The following MAP7D3 variants were observed in gnomAD, a reference collection of about 807,000 sequenced individuals.
MAP7D3 encodes MAP7 domain containing 3.
MAP7D3 carries 45 observed loss-of-function variants against 62.2 expected under a neutral mutation model. The ratio of observed to expected loss-of-function variants is 0.72; its 90% CI spans 0.57 to 0.93. The LOEUF is 0.93. Ranked by LOEUF, MAP7D3 falls within the 40% of genes least tolerant of loss-of-function variation. The pLI, the probability that MAP7D3 is intolerant of heterozygous loss-of-function variation, is 0.00. For synonymous variants in MAP7D3, 288 were observed against 248.8 expected, an observed-to-expected ratio of 1.16 and a Z score of -1.48; for missense variants, 711 against 683.1, an observed-to-expected ratio of 1.04 and a Z score of -0.45.
rs1055994229 is a variant in MAP7D3 at position 136,217,486 on chromosome X, G to C, written c.*1040C>G. On this transcript the variant is annotated 3_prime_UTR_variant, in exon 19 of 19. Transcript: ENST00000316077. ...AGGAAACACTGACAAGAGCATGAAA[G>C]GTGCTGACTGTTCCAAGATGGGGCT... 1.8e-5 allele frequency: 2 copies of C among 111,919 alleles called. No homozygotes were observed. The highest frequency in any genetic ancestry group is 6.5e-5 in the African/African-American group (2 of 30,791). 9.2% of individuals were successfully genotyped at this position (111,919 alleles called of 1,213,427 possible). A position where few individuals can be genotyped will look rare whatever the true frequency, so the allele number is the denominator to read the frequency against.
At chrX:136,243,633 G>T (rs536174371) in intron 4 of MAP7D3, among the ~76,000 whole-genome samples, 1 of 110,171 alleles carries the variant, frequency 9.1e-6, no homozygotes, top group Non-Finnish European at 1.9e-5. Context: ...AACCGGGGGG[G>T]CAGAAGTTGC....
chrX:136,213,373 C>T (rs780089627), downstream of MAP7D3: 6 of 110,563 alleles, frequency 5.4e-5, no homozygotes, highest in South Asian at 1.5e-3. Context: ...TATCAAGAAC[C>T]TCTCTGCTTG....
Position 136,219,473 on chromosome X carries a change from A to C in MAP7D3, c.2588T>G (p.Phe863Cys). 1 of 1,207,098 alleles carries C rather than the reference A, an allele frequency of 8.3e-7. No individual in the cohort carries two copies. The highest frequency in any genetic ancestry group is 1.1e-6 in the Non-Finnish European group (1 of 891,247). The change falls in exon 18 of 19, where the codon TTC (phenylalanine) becomes TGC (cysteine). Residue 863 changes from phenylalanine (F) to cysteine (C), a missense_variant. By Grantham distance (205) the Phe-to-Cys change is radical. Transcript: ENST00000316077. ...RSSAQTKSEGFHDILPKSSDT... is the reference protein window; with the variant it reads ...RSSAQTKSEGCHDILPKSSDT... ...TGAGGACTTTGGCAAGATGTCATGGAATCCTTCAGATTTTGTTTGTGCCTG... is the reference window on the plus strand; with the variant it reads ...TGAGGACTTTGGCAAGATGTCATGGCATCCTTCAGATTTTGTTTGTGCCTG...
chrX:136,235,977 A>G (rs185806185), intron 7 of MAP7D3, among the ~76,000 whole-genome samples: 31 of 111,666 alleles, frequency 2.8e-4, no homozygotes, highest in Admixed American at 1.4e-3. Context: ...CCTCCAGTAC[A>G]CTCCTATCTA....
chrX:136,227,691 G>T (rs1219465742), intron 11 of MAP7D3, among the ~76,000 whole-genome samples: 3 of 110,351 alleles, frequency 2.7e-5, no homozygotes, highest in Non-Finnish European at 5.7e-5. Flanking sequence ...ACACACATAC[G>T]TGAGAGGAAC....
intron 15 of MAP7D3, among the ~76,000 whole-genome samples, 160 bp from the exon 16 acceptor site, chrX:136,221,123 G>A (rs1023682501): frequency 1.9e-4 from 21 of 111,270 alleles, no homozygotes; most frequent in Admixed American, 1.3e-3. Context: ...AGCAGTCACA[G>A]AGTTTCCCAA....
At chrX:136,223,908 C>T (rs1193262367) in intron 14 of MAP7D3, among the ~76,000 whole-genome samples, 1 of 108,248 alleles carries the variant, frequency 9.2e-6, no homozygotes, top group Non-Finnish European at 1.9e-5. Context: ...AAAAATTAGC[C>T]AGGTGTGGTG....
intron 4 of MAP7D3, among the ~76,000 whole-genome samples, chrX:136,243,526 A>G (rs1365159391): frequency 9.0e-6 from 1 of 110,967 alleles, no homozygotes; most frequent in Non-Finnish European, 1.9e-5. Context: ...AAGATAGTGA[A>G]CCCCCATCTC....
At chrX:136,244,832 C>A in intron 3 of MAP7D3, 37 bp from the exon 4 acceptor site, 1 of 1,066,637 alleles carries the variant, frequency 9.4e-7, no homozygotes, top group Non-Finnish European at 1.3e-6. Flanking sequence ...GGTGTAAGAG[C>A]CAAGAAAATA....
chrX:136,235,051 T>C (rs1353030627), intron 7 of MAP7D3, among the ~76,000 whole-genome samples: 1 of 111,239 alleles, frequency 9.0e-6, no homozygotes, highest in African/African-American at 3.3e-5. Flanking sequence ...CATACCAAAA[T>C]AACTCTAAGG....
intron 1 of MAP7D3, among the ~76,000 whole-genome samples, chrX:136,251,053 T>G (rs1481171792): frequency 8.9e-6 from 1 of 112,295 alleles, no homozygotes; most frequent in African/African-American, 3.2e-5. Context: ...AGTTCGACCG[T>G]TGGCGGCGGG....
At chrX:136,240,890 G>A (rs769450981) in intron 5 of MAP7D3, among the ~76,000 whole-genome samples, 1 of 112,535 alleles carries the variant, frequency 8.9e-6, no homozygotes, top group South Asian at 3.6e-4. Flanking sequence ...CATTTGATAA[G>A]CTGTGTAAAG....
chrX:136,244,611 A>G, intron 4 of MAP7D3, 21 bp downstream of exon 4: 3 of 1,199,150 alleles, frequency 2.5e-6, no homozygotes, highest in South Asian at 3.6e-5. Context: ...CCTCTCATGC[A>G]CAGGCTGCAA....
intron 7 of MAP7D3, among the ~76,000 whole-genome samples, chrX:136,233,635 T>TAAAAAAAAA (rs151267120): frequency 2.0e-4 from 6 of 30,605 alleles, no homozygotes; most frequent in Admixed American, 1.0e-3. Context: ...TAAATTAAAC[T>TAAAAAAAAA]AAAAAAAAAA....
Position 136,244,682 on chromosome X carries a change from G to T in MAP7D3, c.367C>A (p.Arg123=). Residue 123 remains arginine (R), a synonymous_variant, in exon 4 of 19, where the codon CGG becomes AGG. Coordinates refer to ENST00000316077, the MANE Select transcript of MAP7D3 (RefSeq NM_024597.4). ...CTTTTTTCTTCTGCAGCTATTCTCC[G>T]TTGTTCTTCTTTCTCTTTTCGCTCC... ...LKERKEKEEQ[R]RIAAEEKRHQ... is the part of the protein sequence containing the mutation. 8.3e-7 allele frequency: 1 copy of T among 1,209,713 alleles called. No homozygotes were observed. Among genetic ancestry groups the T allele is most frequent in the Non-Finnish European group, 1.1e-6 (1 of 894,111 alleles).
chrX:136,214,184 A>G (rs922183227), downstream of MAP7D3: 1 of 112,084 alleles, frequency 8.9e-6, no homozygotes, highest in African/African-American at 3.2e-5. Flanking sequence ...CATATTGCAC[A>G]TGTAAACCTA....
intron 1 of MAP7D3, among the ~76,000 whole-genome samples, chrX:136,247,577 C>G (rs2086985612): frequency 1.0e-5 from 1 of 97,576 alleles, no homozygotes; most frequent in South Asian, 5.1e-4. Flanking sequence ...CAATTGCTGC[C>G]GTAAGGATCA....
At chrX:136,214,819 G>A (rs1390739646), downstream of MAP7D3, 4 of 112,317 alleles carry the variant, frequency 3.6e-5, no homozygotes, top group African/African-American at 9.7e-5. Context: ...CTGTCCCTCC[G>A]GGTAGAGGAT....
chrX:136,229,072 T>C (rs986710993), intron 10 of MAP7D3: 2 of 131,068 alleles, frequency 1.5e-5, no homozygotes, highest in Non-Finnish European at 3.0e-5. Context: ...AAATACTGAA[T>C]ATAGAGGAAG....
Sources: allele counts gnomAD v4.1 joint callset (sites outside exome capture counted in the v4.1 genomes callset), GRCh38; gene constraint gnomAD v4.1.1; transcripts MANE v1.5; gene names NCBI Gene and HGNC (gene_info 2026-07-23, HGNC 2026-07-21).